Variants in ACTN2 observed in about 807,000 individuals in gnomAD.
The protein encoded by ACTN2 is actinin alpha 2.
ACTN2 carries 39 observed loss-of-function variants against 113.8 expected under a neutral mutation model. That is an observed-to-expected ratio of 0.34 (90% CI 0.27 to 0.45). ACTN2 has a LOEUF of 0.45. Ranked by LOEUF, ACTN2 falls within the 20% of genes least tolerant of loss-of-function variation. The probability of loss-of-function intolerance (pLI) is 1.00; values close to 1 mark genes in which losing one functional copy is unlikely to be tolerated. For synonymous variants in ACTN2, 429 were observed against 444.1 expected (o/e 0.97, Z 0.43); for missense variants, 992 against 1,177.9 (o/e 0.84, Z 2.31).
chr1:236,759,386 C>T (rs186871749), intron 18 of ACTN2, among the ~76,000 whole-genome samples: 1 of 152,168 alleles, frequency 6.6e-6, no homozygotes, highest in Non-Finnish European at 1.5e-5. Context: ...GCAGAACTTA[C>T]CATGTTTAGA....
At position 236,742,950 on chromosome 1, in the gene ACTN2, T is replaced by A. The variant is rs376144003; in HGVS notation, c.1162T>A (p.Trp388Arg). The A allele has an allele frequency of 2.5e-5, 40 of 1,613,280 alleles. No homozygotes were observed. In the East Asian group the frequency reaches 3.1e-4, roughly 13 times the overall value. Residue 388 changes from tryptophan to arginine, a missense_variant, in exon 11 of 21, where the codon TGG (tryptophan) becomes AGG (arginine). Physicochemically the swap from Trp to Arg is moderately radical, Grantham distance 101. Around this residue, in one of 3 missense-constraint regions of ACTN2, gnomAD observed 736 missense variants for 815.4 expected, o/e 0.90. Transcript: ENST00000366578. Reference protein sequence around the residue: ...LEQAEKGYEEWLLNEIRRLER... With the variant: ...LEQAEKGYEERLLNEIRRLER... ...GCAGGCTGAGAAGGGTTACGAGGAG[T>A]GGTTGCTCAATGAGATTCGGAGACT... is the stretch of plus-strand genomic sequence containing the variant.
intron 1 of ACTN2, among the ~76,000 whole-genome samples, chr1:236,692,039 T>A (rs1666102607): frequency 6.6e-6 from 1 of 152,232 alleles, no homozygotes; most frequent in Admixed American, 6.5e-5. Context: ...GACCCATGCT[T>A]ACAGAACTAG....
At chr1:236,758,248 G>T (rs1659603569) in intron 18 of ACTN2, among the ~76,000 whole-genome samples, 1 of 151,300 alleles carries the variant, frequency 6.6e-6, no homozygotes, top group South Asian at 2.1e-4. Flanking sequence ...TAATCCTGTG[G>T]CTGGAAGTGA....
At chr1:236,689,769 A>G (rs1231375489) in intron 1 of ACTN2, among the ~76,000 whole-genome samples, 1 of 152,338 alleles carries the variant, frequency 6.6e-6, no homozygotes, top group African/African-American at 2.4e-5. Flanking sequence ...GGACCTCTTC[A>G]GTGGACTGTT....
intron 10 of ACTN2, among the ~76,000 whole-genome samples, chr1:236,742,691 A>C (rs189674051): frequency 6.6e-6 from 1 of 152,354 alleles, no homozygotes; most frequent in East Asian, 1.9e-4. Context: ...TGTTAGTCTT[A>C]AAAGATCCCA....
chr1:236,754,913 C>T lies in ACTN2; in HGVS notation c.1975-106C>T. ...GAGTGACACTGGCCGCTGCCTGACG[C>T]TGGCCTAGCATCCCATGCAGGGTCT... On this transcript the variant is annotated intron_variant, in intron 16 of 20. Coordinates refer to ENST00000366578, the MANE Select transcript of ACTN2 (RefSeq NM_001103.4). This position sits in a 1 kb window ranked among gnomAD's most constrained non-coding sequence, Gnocchi z 4.9. 1 of 1,357,046 alleles carries T rather than the reference C, an allele frequency of 7.4e-7. No individual in the cohort carries two copies. Among genetic ancestry groups the T allele is most frequent in the Non-Finnish European group, 1.1e-6 (1 of 948,332 alleles). 84.1% of individuals were successfully genotyped at this position (1,357,046 alleles called of 1,614,324 possible).
At chr1:236,694,637 GTCTT>G (rs1207268773) in intron 1 of ACTN2, among the ~76,000 whole-genome samples, 34 of 152,082 alleles carry the variant, frequency 2.2e-4, no homozygotes, top group African/African-American at 8.0e-4. Context: ...TTTTTTGGCA[GTCTT>G]TATGACTTTT....
intron 20 of ACTN2, 54 bp from the exon 21 acceptor site, chr1:236,762,407 T>C (rs1659732953): frequency 1.2e-6 from 2 of 1,604,704 alleles, no homozygotes; most frequent in Admixed American, 3.3e-5. Flanking sequence ...TTAAGACTGT[T>C]TATGTTGTGG....
At chr1:236,740,150 G>C (rs1373614761) in intron 10 of ACTN2, among the ~76,000 whole-genome samples, 2 of 151,808 alleles carry the variant, frequency 1.3e-5, no homozygotes, top group African/African-American at 4.8e-5. Flanking sequence ...GTCTCACTCT[G>C]TCACCCAGGC....
At chr1:236,741,753 T>G (rs1659074849) in intron 10 of ACTN2, among the ~76,000 whole-genome samples, 1 of 152,236 alleles carries the variant, frequency 6.6e-6, no homozygotes, top group African/African-American at 2.4e-5. Flanking sequence ...CTTTTTCTTT[T>G]GCCCCTTAAA....
chr1:236,725,626 C>CA (rs200821726), intron 4 of ACTN2, among the ~76,000 whole-genome samples: 6,202 of 29,844 alleles, frequency 0.21, 371 homozygotes, highest in African/African-American at 0.25. Flanking sequence ...GACTGTGCCT[C>CA]AAAAAAAATT....
chr1:236,693,177 GCACACACACACACACACA>G (rs35891713), intron 1 of ACTN2, among the ~76,000 whole-genome samples: 9,963 of 149,130 alleles, frequency 0.067, 421 homozygotes, highest in East Asian at 0.17. Flanking sequence ...CTGCACACAT[GCACACACACACACACACA>G]CACACACACA....
At chr1:236,693,878 C>A (rs1300072133) in intron 1 of ACTN2, among the ~76,000 whole-genome samples, 1 of 152,148 alleles carries the variant, frequency 6.6e-6, no homozygotes, top group African/African-American at 2.4e-5. Flanking sequence ...AGAGTTCAAG[C>A]CTCTTATGGT....
At chr1:236,732,346 A>C (rs1249229166) in intron 7 of ACTN2, among the ~76,000 whole-genome samples, 1 of 152,140 alleles carries the variant, frequency 6.6e-6, no homozygotes. Flanking sequence ...CATTCTTTGG[A>C]TTGTGGCAGC....
At chr1:236,720,486 T>C (rs1043225173) in intron 4 of ACTN2, among the ~76,000 whole-genome samples, 4 of 152,212 alleles carry the variant, frequency 2.6e-5, no homozygotes, top group Admixed American at 2.6e-4. Flanking sequence ...AATTTACAGC[T>C]ATGGCAGAGT....
At chr1:236,743,171 T>C (rs1659125816) in intron 11 of ACTN2, 128 bp downstream of exon 11, 1 of 1,144,426 alleles carries the variant, frequency 8.7e-7, no homozygotes, top group Non-Finnish European at 1.3e-6. Flanking sequence ...GTCACCTTTC[T>C]CTGCTCTTGT....
intron 12 of ACTN2, among the ~76,000 whole-genome samples, chr1:236,745,843 T>C (rs1310565606): frequency 6.6e-6 from 1 of 152,086 alleles, no homozygotes; most frequent in Non-Finnish European, 1.5e-5. Context: ...ATAATAAAAA[T>C]TTATTTCAAT....
At chr1:236,690,935 CTTT>C (rs34214344) in intron 1 of ACTN2, among the ~76,000 whole-genome samples, 12 of 103,286 alleles carry the variant, frequency 1.2e-4, no homozygotes, top group Admixed American at 4.4e-4. Flanking sequence ...CTCGGGTGTA[CTTT>C]TTTTTTTTTT....
At chr1:236,707,145 G>A (rs1657848314) in intron 1 of ACTN2, among the ~76,000 whole-genome samples, 1 of 152,184 alleles carries the variant, frequency 6.6e-6, no homozygotes, top group Admixed American at 6.5e-5. Context: ...AATTGCATGG[G>A]CAATATTTTT....
Sources: gnomAD v4.1 joint callset for allele counts (sites outside exome capture counted in the v4.1 genomes callset) on GRCh38, gnomAD v4.1.1 for gene constraint, gnomAD v4.1.1 regional missense constraint, Gnocchi (gnomAD v3.1) non-coding constraint, MANE v1.5 for transcripts, NCBI Gene and HGNC (gene_info 2026-07-23, HGNC 2026-07-21) for gene names.